Variants in IRAK2 observed in about 807,000 individuals in gnomAD.
The protein encoded by IRAK2 is interleukin 1 receptor associated kinase 2, also known as interleukin-1 receptor-associated kinase-like 2.
Under a neutral mutation model 72.0 loss-of-function variants are expected in IRAK2, and 57 were observed. That is an observed-to-expected ratio of 0.79 (90% CI 0.64 to 0.99). IRAK2 has a LOEUF of 0.99. Ranked by LOEUF, IRAK2 falls within the 50% of genes least tolerant of loss-of-function variation. The pLI is 0.00. For synonymous variants in IRAK2, 293 were observed against 312.7 expected (o/e 0.94, Z 0.67); for missense variants, 790 against 794.4 (o/e 0.99, Z 0.07).
intron 9 of IRAK2, among the ~76,000 whole-genome samples, chr3:10,225,921 G>A (rs537827342): frequency 5.9e-5 from 9 of 151,978 alleles, no homozygotes; most frequent in African/African-American, 1.5e-4. Context: ...GGATGGTCTC[G>A]ATCTCCTGAC....
At chr3:10,189,095 G>A (rs1435783515) in intron 2 of IRAK2, among the ~76,000 whole-genome samples, 1 of 152,250 alleles carries the variant, frequency 6.6e-6, no homozygotes, top group Non-Finnish European at 1.5e-5. Flanking sequence ...ACACACAGAT[G>A]CATGTCACCC....
At chr3:10,205,571 C>A (rs1697422283) in intron 3 of IRAK2, among the ~76,000 whole-genome samples, 1 of 152,132 alleles carries the variant, frequency 6.6e-6, no homozygotes, top group Non-Finnish European at 1.5e-5. Flanking sequence ...ACAGAAGGAC[C>A]CTGTGTGCAG....
At chr3:10,216,787 G>C (rs1697611091) in intron 6 of IRAK2, 147 bp from the exon 7 acceptor site, 1 of 637,906 alleles carries the variant, frequency 1.6e-6, no homozygotes, top group Admixed American at 2.5e-5. Context: ...CCACCCTGGG[G>C]CCAGGCCCTT....
rs1697554584 is a variant in IRAK2, at chr3:10,213,421, T to C, written c.723+20T>C. On this transcript the variant is annotated intron_variant, in intron 5 of 12. Transcript: ENST00000256458. ...AGAGAGGTGAGCACTTCTTGGTTTC[T>C]AGTGGGGGTGGAGGCTGCAGGGGTG... 6.2e-6 allele frequency: 10 copies of C among 1,613,674 alleles called. No individual in the cohort carries two copies. Among genetic ancestry groups the C allele is most frequent in the Non-Finnish European group, 7.6e-6 (9 of 1,179,670 alleles).
chr3:10,213,291 C>T lies in IRAK2; in HGVS notation c.613C>T (p.Gln205Ter), dbSNP rs756460717. The T allele has an allele frequency of 1.2e-6, 2 of 1,613,994 alleles. No individual in the cohort carries two copies. Among genetic ancestry groups the T allele is most frequent in the Non-Finnish European group, 1.7e-6 (2 of 1,180,038 alleles). ...SLFWSEADVV[Q>*]ATDDFNQNRK... ...TTTCTGGAGTGAGGCAGACGTGGTC[C>T]AGGCAACCGATGACTTCAATCAAAA... is the stretch of plus-strand genomic sequence containing the variant. The change falls in exon 5 of 13, where the codon CAG becomes TAG. Residue 205 changes from glutamine to a stop codon, truncating the protein, a stop_gained. Transcript: ENST00000256458. LOFTEE classifies it high-confidence loss of function.
intron 1 of IRAK2, among the ~76,000 whole-genome samples, chr3:10,175,188 A>G (rs571793648): frequency 5.9e-5 from 9 of 152,130 alleles, no homozygotes; most frequent in African/African-American, 2.2e-4. Flanking sequence ...CAGTGGCACG[A>G]TCTCAGCTCA....
chr3:10,222,887 G>A, intron 9 of IRAK2, 56 bp downstream of exon 9: 6 of 1,478,312 alleles, frequency 4.1e-6, no homozygotes, highest in South Asian at 1.2e-5. Context: ...TCCTTCCCAC[G>A]GCTCCTTTGT....
At chr3:10,180,318 C>T (rs1178010144) in intron 2 of IRAK2, among the ~76,000 whole-genome samples, 2 of 152,162 alleles carry the variant, frequency 1.3e-5, no homozygotes, top group African/African-American at 4.8e-5. Context: ...GGCAATGTGA[C>T]AGGTCCTCCG....
chr3:10,171,178 G>C (rs535230285), intron 1 of IRAK2, among the ~76,000 whole-genome samples: 1 of 152,310 alleles, frequency 6.6e-6, no homozygotes, highest in African/African-American at 2.4e-5. Context: ...TCAGCCCCAG[G>C]TGTGTGCAGA....
At chr3:10,217,725 C>CTT (rs1303276218) in intron 7 of IRAK2, among the ~76,000 whole-genome samples, 2 of 152,140 alleles carry the variant, frequency 1.3e-5, no homozygotes. Flanking sequence ...TAAAACAGGT[C>CTT]TTCTGCTTAT....
chr3:10,215,525 T>C lies in IRAK2; in HGVS notation c.789-1409T>C, dbSNP rs952076580. ...CTATAAATAAGCACTACTGTTTTAATATTTTGATATATTTTCATTTTTAAT... is the reference window on the plus strand; with the variant it reads ...CTATAAATAAGCACTACTGTTTTAACATTTTGATATATTTTCATTTTTAAT... On this transcript the variant is annotated intron_variant, in intron 6 of 12. Transcript: ENST00000256458. Among the ~76,000 whole-genome samples the C allele has an allele frequency of 4.6e-5, 7 of 151,840 alleles. No individual in the cohort carries two copies. In the East Asian group the frequency reaches 9.6e-4, roughly 21 times the overall value.
intron 1 of IRAK2, among the ~76,000 whole-genome samples, chr3:10,167,935 C>A (rs925650199): frequency 5.3e-5 from 8 of 152,136 alleles, no homozygotes; most frequent in Non-Finnish European, 1.2e-4. Flanking sequence ...AGTAGCTGGA[C>A]TACAGGTGTG....
At chr3:10,172,147 G>T (rs1296523846) in intron 1 of IRAK2, among the ~76,000 whole-genome samples, 3 of 151,712 alleles carry the variant, frequency 2.0e-5, no homozygotes, top group Non-Finnish European at 4.4e-5. Context: ...GAGGTGGGTG[G>T]ATCATGAGGT....
rs530295062 is a variant in IRAK2 at position 10,204,972 on chromosome 3, G to T, written c.424+4457G>T. Among the ~76,000 whole-genome samples, 11 of 151,960 alleles carry T rather than the reference G, an allele frequency of 7.2e-5. 1 individual carries two copies. The South Asian group carries it at 1.9e-3, about 26-fold the overall frequency. ...TCCCATCTTGTTCATCTACTCTCCTGCCCCATCTCCCTCCCCTCCCTTAGC... is the reference window on the plus strand; with the variant it reads ...TCCCATCTTGTTCATCTACTCTCCTTCCCCATCTCCCTCCCCTCCCTTAGC... On this transcript the variant is annotated intron_variant, in intron 3 of 12. Coordinates refer to ENST00000256458, the MANE Select transcript of IRAK2 (RefSeq NM_001570.4).
intron 10 of IRAK2, among the ~76,000 whole-genome samples, chr3:10,231,542 C>T (rs1697861692): frequency 6.6e-6 from 1 of 152,164 alleles, no homozygotes; most frequent in African/African-American, 2.4e-5. Context: ...ATCCTCCTGC[C>T]TTGGCCTCCC....
intron 10 of IRAK2, among the ~76,000 whole-genome samples, chr3:10,231,704 T>C (rs1451748650): frequency 6.6e-6 from 1 of 152,204 alleles, no homozygotes; most frequent in South Asian, 2.1e-4. Context: ...TATGTGGAGA[T>C]GGGATGTCAC....
intron 2 of IRAK2, among the ~76,000 whole-genome samples, chr3:10,182,460 T>G (rs767520847): frequency 6.6e-6 from 1 of 151,292 alleles, no homozygotes; most frequent in Non-Finnish European, 1.5e-5. Context: ...TTTTTTGTAT[T>G]TTAGTTAGAG....
Position 10,238,771 on chromosome 3 carries a change from G to A in IRAK2, c.1497G>A (p.Val499=), listed in dbSNP as rs763954657. 6.2e-6 allele frequency: 10 copies of A among 1,614,016 alleles called. No individual in the cohort carries two copies. In the East Asian group the frequency reaches 2.2e-4, roughly 36 times the overall value. ...LQEVCGSVAA[V]EERLRGRETL... is the part of the protein sequence containing the mutation. ...AGGTGTGTGGCTCTGTGGCTGCTGTGGAAGAGCGGCTCCGAGGTCGGGAGA... is the reference window on the plus strand; with the variant it reads ...AGGTGTGTGGCTCTGTGGCTGCTGTAGAAGAGCGGCTCCGAGGTCGGGAGA... Residue 499 remains valine (V), a synonymous_variant, in exon 12 of 13, where the codon GTG becomes GTA. Transcript: ENST00000256458.
intron 7 of IRAK2, among the ~76,000 whole-genome samples, chr3:10,218,438 A>AC (rs1559450020): frequency 5.9e-5 from 8 of 135,088 alleles, no homozygotes; most frequent in Admixed American, 1.6e-4. Context: ...AAAAAAAAAA[A>AC]AAAAAAACCA....
Sources: gnomAD v4.1 joint callset for allele counts (sites outside exome capture counted in the v4.1 genomes callset) on GRCh38, gnomAD v4.1.1 for gene constraint, MANE v1.5 for transcripts, NCBI Gene and HGNC (gene_info 2026-07-23, HGNC 2026-07-21) for gene names.